The following CNTNAP1 variants were observed in gnomAD, a reference collection of about 807,000 sequenced individuals.
CNTNAP1 encodes the protein contactin associated protein 1, also known as contactin-associated protein 1.
CNTNAP1 carries 80 observed loss-of-function variants against 161.5 expected under a neutral mutation model. The observed-to-expected ratio is 0.50, with a 90% CI of 0.41 to 0.60. The LOEUF is 0.60. Among genes scored for constraint, CNTNAP1 ranks in the 20% least tolerant of loss-of-function variants. CNTNAP1 has a pLI of 0.00. For synonymous variants in CNTNAP1, 695 were observed against 733.1 expected (o/e 0.95, Z 0.84); for missense variants, 1,464 against 1,854.8 (o/e 0.79, Z 3.87).
rs1319620493 is a variant in CNTNAP1 at position 42,693,639 on chromosome 17, T to C, written c.2992+103T>C. 4.0e-6 allele frequency: 6 copies of C among 1,504,640 alleles called. No individual in the cohort carries two copies. The African/African-American group carries it at 6.9e-5, about 17-fold the overall frequency. The allele number at this position is 1,504,640 out of a possible 1,614,324, so 93.2% of individuals were successfully genotyped here. A position where few individuals can be genotyped will look rare whatever the true frequency, so the allele number is the denominator to read the frequency against. Reference sequence around the variant, plus strand: ...ATGTAAAGCCCATATCATGGAAAATTAGAGTTGTCCCTGGATTCCTGAGCT... The same window carrying C: ...ATGTAAAGCCCATATCATGGAAAATCAGAGTTGTCCCTGGATTCCTGAGCT... On this transcript the variant is annotated intron_variant, in intron 18 of 23. Transcript: ENST00000264638.
intron 1 of CNTNAP1, chr17:42,683,455 T>G: frequency 9.0e-7 from 1 of 1,107,434 alleles, no homozygotes. Flanking sequence ...CCGAGTTGGA[T>G]TGAGGCTAGG....
At position 42,685,479 on chromosome 17, in the gene CNTNAP1, C is replaced by A; in HGVS notation, c.715+59C>A. ...ACCCCTGAAGCTCTCTCACCGCCCT[C>A]CTCGTGGCACCTCCTCCGCGCATCC... On this transcript the variant is annotated intron_variant, in intron 5 of 23. Coordinates refer to ENST00000264638, the MANE Select transcript of CNTNAP1 (RefSeq NM_003632.3). The surrounding 1 kb of genome is among the most constrained non-coding windows in gnomAD (Gnocchi z 5.0). The A allele has an allele frequency of 6.7e-7, 1 of 1,482,494 alleles. No homozygotes were observed. Among genetic ancestry groups the A allele is most frequent in the Non-Finnish European group, 9.1e-7 (1 of 1,093,428 alleles). The allele number at this position is 1,482,494 out of a possible 1,614,324, so 91.8% of individuals were successfully genotyped here.
At chr17:42,689,484 G>A (rs1415492001) in intron 10 of CNTNAP1, 37 bp from the exon 11 acceptor site, 1 of 1,545,962 alleles carries the variant, frequency 6.5e-7, no homozygotes, top group Non-Finnish European at 8.9e-7. Context: ...CCAGCTCCCA[G>A]TAAGGCTCCT....
In CNTNAP1 at chr17:42,691,918, G is replaced by A. The variant is rs143435613; in HGVS notation, c.2457G>A (p.Ser819=). The A allele has an allele frequency of 4.1e-4, 664 of 1,613,992 alleles. No homozygotes were observed. Among genetic ancestry groups the A allele is most frequent in the South Asian group, 5.9e-4 (54 of 91,082 alleles). ...TCTACTTCAGGACCTCTGCTCCCTC[G>A]GGGGTCTTCCTAGAGAATATGGGGG... ...VSFYFRTSAP[S]GVFLENMGGP... is the part of the protein sequence containing the mutation. The change falls in exon 16 of 24, where the codon TCG becomes TCA. Residue 819 remains serine (S), a synonymous_variant. Transcript: ENST00000264638. The surrounding 1 kb of genome is among the most constrained non-coding windows in gnomAD (Gnocchi z 4.3).
Position 42,686,132 on chromosome 17 carries a change from G to A in CNTNAP1, c.891G>A (p.Leu297=). 6.2e-7 allele frequency: 1 copy of A among 1,614,174 alleles called. No individual in the cohort carries two copies. The highest frequency in any genetic ancestry group is 8.5e-7 in the Non-Finnish European group (1 of 1,180,008). ...ILNGDFERLN[L]DTEMFIGGLV... is the part of the protein sequence containing the mutation. ...ATGGAGACTTCGAGAGGCTGAACCTGGACACTGAGGTGAGAGACTAGGGAG... is the reference window on the plus strand; with the variant it reads ...ATGGAGACTTCGAGAGGCTGAACCTAGACACTGAGGTGAGAGACTAGGGAG... The change falls in exon 6 of 24, where the codon CTG becomes CTA. Residue 297 remains leucine, a synonymous_variant. Coordinates refer to ENST00000264638, the MANE Select transcript of CNTNAP1 (RefSeq NM_003632.3).
At position 42,686,928 on chromosome 17, in the gene CNTNAP1, C is replaced by A; in HGVS notation, c.926C>A (p.Ala309Asp). 6.2e-7 allele frequency: 1 copy of A among 1,611,902 alleles called. No homozygotes were observed. Among genetic ancestry groups the A allele is most frequent in the South Asian group, 1.1e-5 (1 of 91,014 alleles). ...ATGTTCATCGGAGGTCTGGTGGGCG[C>A]CGCGCGGAAGAACCTGGCCTATCGG... Reference protein sequence around the residue: ...TEMFIGGLVGAARKNLAYRHN... With the variant: ...TEMFIGGLVGDARKNLAYRHN... The change falls in exon 7 of 24, where the codon GCC becomes GAC. Residue 309 changes from alanine (A) to aspartate (D), a missense_variant. Ala to Asp is a moderately radical substitution (Grantham distance 126, BLOSUM62 -2). This residue lies in a region of CNTNAP1 where 1,383 missense variants were observed against 1,765.0 expected (regional missense o/e 0.78). Transcript: ENST00000264638.
At position 42,687,319 on chromosome 17, in the gene CNTNAP1, G is replaced by A. The variant is rs2053030665; in HGVS notation, c.1044+273G>A. The A allele has an allele frequency of 3.9e-6, 2 of 511,556 alleles. No homozygotes were observed. Among genetic ancestry groups the A allele is most frequent in the African/African-American group, 1.9e-5 (1 of 52,498 alleles). The allele number at this position is 511,556 out of a possible 1,614,324, so 31.7% of individuals were successfully genotyped here. On this transcript the variant is annotated intron_variant, in intron 7 of 23. Coordinates refer to ENST00000264638, the MANE Select transcript of CNTNAP1 (RefSeq NM_003632.3). This position sits in a 1 kb window ranked among gnomAD's most constrained non-coding sequence, Gnocchi z 4.7. Reference sequence around the variant, plus strand: ...ACAGGGAGTGGCTTGTCCAGGGGTCGTGCAGCTGCACGGTGGCTGAGTAGG... The same window carrying A: ...ACAGGGAGTGGCTTGTCCAGGGGTCATGCAGCTGCACGGTGGCTGAGTAGG...
rs776597540 is a variant in CNTNAP1, at chr17:42,692,581, T to C, written c.2613T>C (p.Asn871=). 1 of 1,614,208 alleles carries C rather than the reference T, an allele frequency of 6.2e-7. No homozygotes were observed. The highest frequency in any genetic ancestry group is 1.1e-5 in the South Asian group (1 of 91,088). The stretch of plus-strand genomic sequence containing the variant: ...TACACTCAGACGACTTTGAGTTCAA[T>C]GATGACGAGTGGCACCTGGTCCGGG... The part of the protein sequence containing the change: ...LTVHSDDFEF[N]DDEWHLVRAE... The change falls in exon 17 of 24, where the codon AAT becomes AAC. Residue 871 remains asparagine, a synonymous_variant. Coordinates refer to ENST00000264638, the MANE Select transcript of CNTNAP1 (RefSeq NM_003632.3).
chr17:42,689,105 C>T (rs1200640404), intron 10 of CNTNAP1, 58 bp downstream of exon 10: 8 of 1,481,224 alleles, frequency 5.4e-6, no homozygotes, highest in African/African-American at 2.8e-5. Context: ...CCTGGTCTCC[C>T]AGTAGGAATG....
At chr17:42,689,467 C>T (rs1429030519) in intron 10 of CNTNAP1, 54 bp from the exon 11 acceptor site, 1 of 1,401,392 alleles carries the variant, frequency 7.1e-7, no homozygotes, top group African/African-American at 1.4e-5. Context: ...GGATCAGACC[C>T]CACTCTCCAG....
chr17:42,695,320 G>A (rs1363655339), intron 18 of CNTNAP1, among the ~76,000 whole-genome samples: 1 of 152,180 alleles, frequency 6.6e-6, no homozygotes, highest in Non-Finnish European at 1.5e-5. Context: ...GCAGGGGTTG[G>A]ATCAGATGAT....
At position 42,695,886 on chromosome 17, in the gene CNTNAP1, C is replaced by T. The variant is rs374814494; in HGVS notation, c.3346+12C>T. The stretch of plus-strand genomic sequence containing the variant: ...CATCAAGGATGATGGTAAGCTCTCC[C>T]GGGCTCTCTCACCCCACTCCAGCTT... On this transcript the variant is annotated intron_variant, in intron 19 of 23. Transcript: ENST00000264638. 2.4e-5 allele frequency: 38 copies of T among 1,605,674 alleles called. No individual in the cohort carries two copies. Among genetic ancestry groups the T allele is most frequent in the African/African-American group, 1.6e-4 (12 of 74,764 alleles).
intron 6 of CNTNAP1, 74 bp from the exon 7 acceptor site, chr17:42,686,829 A>T (rs2053021768): frequency 1.3e-6 from 2 of 1,499,946 alleles, no homozygotes; most frequent in Admixed American, 4.2e-5. Flanking sequence ...TTGGGAAAGC[A>T]TACGGCGGGG....
chr17:42,695,996 A>G (rs1567975903), intron 19 of CNTNAP1, 29 bp from the exon 20 acceptor site: 1 of 1,611,526 alleles, frequency 6.2e-7, no homozygotes, highest in Non-Finnish European at 8.5e-7. Flanking sequence ...GGGGCCTGAG[A>G]CCCCAAATTT....
At chr17:42,690,324 A>G (rs1449060116) in intron 12 of CNTNAP1, 117 bp downstream of exon 12, 1 of 1,266,326 alleles carries the variant, frequency 7.9e-7, no homozygotes, top group East Asian at 2.4e-5. Flanking sequence ...GGGGAAGGGC[A>G]TACTGAGGAA....
chr17:42,686,772 C>A, intron 6 of CNTNAP1, 131 bp from the exon 7 acceptor site: 1 of 1,118,498 alleles, frequency 8.9e-7, no homozygotes, highest in Non-Finnish European at 1.3e-6. Flanking sequence ...AGTACCGACA[C>A]TGGGGAAATG....
intron 1 of CNTNAP1, 169 bp from the exon 2 acceptor site, chr17:42,683,652 C>T: frequency 7.0e-7 from 1 of 1,433,970 alleles, no homozygotes; most frequent in Non-Finnish European, 9.1e-7. Flanking sequence ...GAGCATGCAG[C>T]TGTTGCTGCA....
intron 13 of CNTNAP1, 42 bp downstream of exon 13, chr17:42,690,984 A>T (rs2053079081): frequency 6.2e-7 from 1 of 1,609,754 alleles, no homozygotes. Context: ...TGGAGGAGAC[A>T]CCAATGGGGG....
rs138951417 is a variant in CNTNAP1 at position 42,683,251 on chromosome 17, T to C, written c.67+355T>C. 623 of 660,016 alleles carry C rather than the reference T, an allele frequency of 9.4e-4. 4 individuals carry two copies. In the Admixed American group the frequency reaches 0.014, roughly 15 times the overall value. The allele number at this position is 660,016 out of a possible 1,614,324, so 40.9% of individuals were successfully genotyped here. ...TTTGCCAGGGCTTAAGGCTGGACTT[T>C]GGAGCTGGCCAAGGGGTGGGGTTTG... On this transcript the variant is annotated intron_variant, in intron 1 of 23. Coordinates refer to ENST00000264638, the MANE Select transcript of CNTNAP1 (RefSeq NM_003632.3).
Sources: gnomAD v4.1 joint callset for allele counts (sites outside exome capture counted in the v4.1 genomes callset) on GRCh38, gnomAD v4.1.1 for gene constraint, gnomAD v4.1.1 regional missense constraint, Gnocchi (gnomAD v3.1) non-coding constraint, MANE v1.5 for transcripts, NCBI Gene and HGNC (gene_info 2026-07-23, HGNC 2026-07-21) for gene names.